CNST: variants seen among roughly 807,000 people sequenced by gnomAD.
The protein encoded by CNST is consortin.
In CNST, 39 loss-of-function variants were observed where a neutral mutation model predicts 72.4. The observed-to-expected ratio is 0.54, with a 90% CI of 0.42 to 0.70. The LOEUF is 0.70. Among genes scored for constraint, CNST ranks in the 30% least tolerant of loss-of-function variants. The pLI is 0.00. For synonymous variants in CNST, 332 were observed against 320.1 expected, an observed-to-expected ratio of 1.04 and a Z score of -0.40; for missense variants, 871 against 868.5, an observed-to-expected ratio of 1.00 and a Z score of -0.04.
chr1:246,575,891 C>G (rs1660371273), intron 1 of CNST, among the ~76,000 whole-genome samples: 1 of 151,982 alleles, frequency 6.6e-6, no homozygotes, highest in Non-Finnish European at 1.5e-5. Context: ...TAAGCTTATT[C>G]AAGAACAATA....
intron 1 of CNST, among the ~76,000 whole-genome samples, chr1:246,569,107 G>A (rs1659900129): frequency 1.3e-5 from 2 of 152,136 alleles, no homozygotes; most frequent in South Asian, 4.1e-4. Flanking sequence ...TAGAATTAAG[G>A]CTGTAGGTCT....
At chr1:246,608,180 A>T (rs528449623) in intron 2 of CNST, 1 of 145,768 alleles carries the variant, frequency 6.9e-6, no homozygotes, top group Non-Finnish European at 1.5e-5. Context: ...AATAAATAAT[A>T]AATAAATAAT....
At chr1:246,577,664 C>T (rs571976089) in intron 1 of CNST, among the ~76,000 whole-genome samples, 5 of 152,080 alleles carry the variant, frequency 3.3e-5, no homozygotes, top group African/African-American at 7.2e-5. Flanking sequence ...TTTCTGTAGC[C>T]GAGAAACCTA....
intron 9 of CNST, among the ~76,000 whole-genome samples, chr1:246,659,445 A>G (rs2103164299): frequency 6.6e-6 from 1 of 152,290 alleles, no homozygotes; most frequent in South Asian, 2.1e-4. Context: ...ATACAAAAAA[A>G]TTAGCCGAGC....
chr1:246,629,556 A>G (rs757457313), intron 3 of CNST, among the ~76,000 whole-genome samples: 1 of 152,218 alleles, frequency 6.6e-6, no homozygotes, highest in Non-Finnish European at 1.5e-5. Context: ...AATAAGAGCT[A>G]TTTATAAGTA....
chr1:246,566,765 C>T (rs1010910849), intron 1 of CNST, 102 bp downstream of exon 1: 1 of 398,668 alleles, frequency 2.5e-6, no homozygotes. Context: ...TGTCCTCCTC[C>T]AGCCGCGCAG....
At position 246,668,542 on chromosome 1, in the gene CNST, A is replaced by T. The variant is rs549981031; in HGVS notation, c.*2637A>T. On this transcript the variant is annotated 3_prime_UTR_variant, in exon 11 of 11. Coordinates refer to ENST00000366513, the MANE Select transcript of CNST (RefSeq NM_152609.3). ...ACAGTAGCTGAAGATTATTCTAAAC[A>T]TTCATTCTTTTAGATTTAAAAATAA... is the stretch of plus-strand genomic sequence containing the variant. 1 of 152,312 alleles carries T rather than the reference A, an allele frequency of 6.6e-6. No individual in the cohort carries two copies. Among genetic ancestry groups the T allele is most frequent in the East Asian group, 1.9e-4 (1 of 5,186 alleles). 9.4% of individuals were successfully genotyped at this position (152,312 alleles called of 1,614,324 possible).
intron 6 of CNST, among the ~76,000 whole-genome samples, chr1:246,639,641 A>G (rs1374654205): frequency 1.3e-5 from 2 of 152,134 alleles, no homozygotes; most frequent in African/African-American, 4.8e-5. Context: ...TCATCAACAT[A>G]TTGAAGGAGG....
intron 6 of CNST, among the ~76,000 whole-genome samples, chr1:246,639,995 T>C (rs1364458793): frequency 6.6e-6 from 1 of 152,186 alleles, no homozygotes; most frequent in African/African-American, 2.4e-5. Flanking sequence ...GCTATCTTGC[T>C]GATGTGCACT....
intron 3 of CNST, among the ~76,000 whole-genome samples, chr1:246,623,459 A>C (rs779767667): frequency 2.0e-4 from 31 of 152,156 alleles, no homozygotes; most frequent in Non-Finnish European, 4.0e-4. Flanking sequence ...AATGGGATAA[A>C]AAGTAAAGTA....
intron 2 of CNST, among the ~76,000 whole-genome samples, chr1:246,619,497 G>A (rs529596321): frequency 1.1e-4 from 17 of 152,288 alleles, no homozygotes; most frequent in African/African-American, 3.4e-4. Context: ...TGCTGCCAGC[G>A]TTGATGTGAA....
At chr1:246,632,684 C>A (rs887669723) in intron 4 of CNST, among the ~76,000 whole-genome samples, 5 of 152,192 alleles carry the variant, frequency 3.3e-5, no homozygotes, top group African/African-American at 1.2e-4. Context: ...CCTGACCTCA[C>A]AAGATGCAGA....
Position 246,639,364 on chromosome 1 carries a change from A to G in CNST, c.819-2385A>G, listed in dbSNP as rs974790227. Among the ~76,000 whole-genome samples, 3 of 152,176 alleles carry G rather than the reference A, an allele frequency of 2.0e-5. No homozygotes were observed. In the East Asian group the frequency reaches 5.8e-4, roughly 29 times the overall value. On this transcript the variant is annotated intron_variant, in intron 6 of 10. Transcript: ENST00000366513. ...TTTGGCAAGTAGAGCAAAGGAAGGA[A>G]CCCAGAGCCTAAAATATCCCACTAG...
intron 9 of CNST, among the ~76,000 whole-genome samples, chr1:246,658,890 G>A (rs1379638102): frequency 6.6e-6 from 1 of 152,212 alleles, no homozygotes; most frequent in Non-Finnish European, 1.5e-5. Flanking sequence ...AAGGCCTCCT[G>A]CTTCCCAGCC....
Position 246,614,202 on chromosome 1 carries a change from T to C in CNST, c.380-7227T>C, listed in dbSNP as rs144380745. Among the ~76,000 whole-genome samples, 535 of 152,254 alleles carry C rather than the reference T, an allele frequency of 3.5e-3. 3 individuals carry two copies. Among genetic ancestry groups the C allele is most frequent in the African/African-American group, 0.012 (512 of 41,554 alleles). On this transcript the variant is annotated intron_variant, in intron 2 of 10. Transcript: ENST00000366513. ...ATGGGACCCAAGTCTAAACACAGCT[T>C]TTTTATGTTTCCTATACCCACCCTG...
intron 9 of CNST, among the ~76,000 whole-genome samples, chr1:246,652,780 G>A (rs6671660): frequency 0.22 from 33,428 of 150,658 alleles, 3,733 homozygotes; most frequent in Admixed American, 0.25. Context: ...CAAGGCGGGC[G>A]GATCACGAGG....
chr1:246,636,528 G>A (rs1049341563), intron 6 of CNST, among the ~76,000 whole-genome samples: 2 of 152,176 alleles, frequency 1.3e-5, no homozygotes, highest in Admixed American at 6.5e-5. Context: ...GAGGGGATAC[G>A]TCTGCTTATG....
In CNST at chr1:246,668,369, T is replaced by C. The variant is rs1667467197; in HGVS notation, c.*2464T>C. On this transcript the variant is annotated 3_prime_UTR_variant, in exon 11 of 11. Coordinates refer to ENST00000366513, the MANE Select transcript of CNST (RefSeq NM_152609.3). ...TGTCTCAGAGAGTTTATTTGAACCA[T>C]TGGGTGCTGAGAAAAAACTGCTTTA... 2 of 152,190 alleles carry C rather than the reference T, an allele frequency of 1.3e-5. No homozygotes were observed. The highest frequency in any genetic ancestry group is 4.8e-5 in the African/African-American group (2 of 41,446). 9.4% of individuals were successfully genotyped at this position (152,190 alleles called of 1,614,324 possible).
At chr1:246,596,679 T>C (rs1661908756) in intron 2 of CNST, among the ~76,000 whole-genome samples, 5 of 152,220 alleles carry the variant, frequency 3.3e-5, no homozygotes, top group Admixed American at 1.3e-4. Flanking sequence ...TAGTATGTTT[T>C]CTTCACCACA....
Sources: gnomAD v4.1 joint callset for allele counts (sites outside exome capture counted in the v4.1 genomes callset) on GRCh38, gnomAD v4.1.1 for gene constraint, MANE v1.5 for transcripts, NCBI Gene and HGNC (gene_info 2026-07-23, HGNC 2026-07-21) for gene names.